Variants in XKR4 observed in about 807,000 individuals in gnomAD.
XKR4 encodes the protein XK related 4, also known as XK-related protein 4.
Under a neutral mutation model 53.9 loss-of-function variants are expected in XKR4, and 12 were observed. The observed-to-expected ratio is 0.22, with a 90% CI of 0.14 to 0.36. XKR4 has a LOEUF of 0.36. XKR4 is among the 10% of genes least tolerant of loss of function. XKR4 has a pLI of 1.00. For missense variants in XKR4, 799 were observed against 859.5 expected, an observed-to-expected ratio of 0.93 and a Z score of 0.88; for synonymous variants, 354 against 362.4, an observed-to-expected ratio of 0.98 and a Z score of 0.26.
At chr8:55,421,078 A>G (rs1159230419) in intron 2 of XKR4, among the ~76,000 whole-genome samples, 1 of 152,216 alleles carries the variant, frequency 6.6e-6, no homozygotes, top group Non-Finnish European at 1.5e-5. Context: ...TTTTTATTCA[A>G]GCTTTTAGAC....
chr8:55,217,216 T>A (rs948231626), intron 1 of XKR4, among the ~76,000 whole-genome samples: 2 of 123,226 alleles, frequency 1.6e-5, no homozygotes, highest in Admixed American at 2.1e-4. Context: ...CACTCCAGCC[T>A]GGGCAACAGA....
intron 1 of XKR4, among the ~76,000 whole-genome samples, chr8:55,110,189 G>A (rs918584717): frequency 1.2e-4 from 18 of 152,148 alleles, no homozygotes; most frequent in Non-Finnish European, 2.9e-5. Flanking sequence ...ATCTTGCAAT[G>A]TGTAATTGTT....
At chr8:55,462,291 C>T (rs1370593561) in intron 2 of XKR4, among the ~76,000 whole-genome samples, 3 of 152,210 alleles carry the variant, frequency 2.0e-5, no homozygotes, top group Non-Finnish European at 2.9e-5. Flanking sequence ...AGAAACTCTA[C>T]AAACCAGAAG....
chr8:55,191,749 G>T (rs1301325588), intron 1 of XKR4, among the ~76,000 whole-genome samples: 1 of 149,000 alleles, frequency 6.7e-6, no homozygotes, highest in African/African-American at 2.5e-5. Flanking sequence ...ATAGTCTGAA[G>T]ATTTTTTCCT....
At chr8:55,212,465 AAGGTG>A (rs1817743978) in intron 1 of XKR4, among the ~76,000 whole-genome samples, 2 of 152,152 alleles carry the variant, frequency 1.3e-5, no homozygotes, top group Non-Finnish European at 2.9e-5. Context: ...GGTCAGTCTT[AAGGTG>A]TCTGTGTTAA....
chr8:55,177,621 T>A (rs968049603), intron 1 of XKR4, among the ~76,000 whole-genome samples: 10 of 152,210 alleles, frequency 6.6e-5, no homozygotes, highest in African/African-American at 2.4e-4. Context: ...GCAGACATAC[T>A]CCTGCTGGGA....
chr8:55,497,289 G>C (rs1178398348), intron 2 of XKR4, among the ~76,000 whole-genome samples: 1 of 152,150 alleles, frequency 6.6e-6, no homozygotes, highest in Non-Finnish European at 1.5e-5. Context: ...TAATGAAAAA[G>C]GCTCTGATAA....
intron 1 of XKR4, among the ~76,000 whole-genome samples, chr8:55,119,637 TA>T (rs1816364020): frequency 6.6e-6 from 1 of 152,200 alleles, no homozygotes; most frequent in Non-Finnish European, 1.5e-5. Context: ...CTCAGACATG[TA>T]TTTTCAAACA....
At chr8:55,437,420 AC>A (rs1345947065) in intron 2 of XKR4, among the ~76,000 whole-genome samples, 1 of 152,190 alleles carries the variant, frequency 6.6e-6, no homozygotes, top group Non-Finnish European at 1.5e-5. Context: ...AAGTAGAGAT[AC>A]AGCTGACAGT....
At chr8:55,185,089 C>G (rs949355585) in intron 1 of XKR4, among the ~76,000 whole-genome samples, 2 of 152,148 alleles carry the variant, frequency 1.3e-5, no homozygotes, top group Non-Finnish European at 2.9e-5. Context: ...ATAAACTGAT[C>G]TGAGCCATTG....
At position 55,382,942 on chromosome 8, in the gene XKR4, G is replaced by T. The variant is rs535193647; in HGVS notation, c.1006+25065G>T. 1.3e-5 allele frequency among the ~76,000 whole-genome samples: 2 copies of T among 152,284 alleles called. 1 individual carries two copies. Among genetic ancestry groups the T allele is most frequent in the African/African-American group, 4.8e-5 (2 of 41,544 alleles). ...ACATGTTCAAACTAAAACAGACTGA[G>T]GCCGGGCGTGGTGTAATCCCAGCAC... On this transcript the variant is annotated intron_variant, in intron 2 of 2. Transcript: ENST00000327381.
chr8:55,236,519 G>T (rs1424169465), intron 1 of XKR4, among the ~76,000 whole-genome samples: 1 of 152,160 alleles, frequency 6.6e-6, no homozygotes. Flanking sequence ...GGCCCACAGA[G>T]CTGTCCTTAG....
chr8:55,118,325 C>T (rs529650939), intron 1 of XKR4, among the ~76,000 whole-genome samples: 1 of 152,330 alleles, frequency 6.6e-6, no homozygotes, highest in South Asian at 2.1e-4. Context: ...TTTATATCCT[C>T]ATTTTGTATG....
chr8:55,186,650 C>T (rs553025154), intron 1 of XKR4, among the ~76,000 whole-genome samples: 12 of 151,772 alleles, frequency 7.9e-5, no homozygotes, highest in South Asian at 2.1e-4. Context: ...AGTGAGACTC[C>T]GTCTCAAAAA....
chr8:55,340,782 G>C (rs1388527831), intron 1 of XKR4, among the ~76,000 whole-genome samples: 1 of 152,148 alleles, frequency 6.6e-6, no homozygotes, highest in African/African-American at 2.4e-5. Context: ...TAAACCTGAA[G>C]GAATGGTTCT....
At chr8:55,233,117 T>C (rs1253137300) in intron 1 of XKR4, among the ~76,000 whole-genome samples, 3 of 152,162 alleles carry the variant, frequency 2.0e-5, no homozygotes, top group African/African-American at 7.2e-5. Flanking sequence ...TGATTGTAAA[T>C]TAAAGTCACT....
intron 1 of XKR4, among the ~76,000 whole-genome samples, chr8:55,299,864 A>G (rs774086457): frequency 1.2e-4 from 19 of 152,086 alleles, no homozygotes; most frequent in Admixed American, 2.0e-4. Flanking sequence ...GGGACATCCA[A>G]GGGTTGCTGT....
intron 2 of XKR4, among the ~76,000 whole-genome samples, chr8:55,485,539 T>C (rs1563364014): frequency 6.6e-6 from 1 of 152,104 alleles, no homozygotes; most frequent in Non-Finnish European, 1.5e-5. Context: ...AATACTTAGG[T>C]CTAAGCATTT....
At chr8:55,137,899 G>A (rs1026450605) in intron 1 of XKR4, among the ~76,000 whole-genome samples, 1 of 151,780 alleles carries the variant, frequency 6.6e-6, no homozygotes, top group Non-Finnish European at 1.5e-5. Context: ...ACCTTGGAAT[G>A]AAAGAAAAAT....
Sources: gnomAD v4.1 joint callset for allele counts (sites outside exome capture counted in the v4.1 genomes callset) on GRCh38, gnomAD v4.1.1 for gene constraint, MANE v1.5 for transcripts, NCBI Gene and HGNC (gene_info 2026-07-23, HGNC 2026-07-21) for gene names.